B3GNT3: variants seen among roughly 807,000 people sequenced by gnomAD.
B3GNT3 encodes UDP-GlcNAc:betaGal beta-1,3-N-acetylglucosaminyltransferase 3.
Under a neutral mutation model 11.6 loss-of-function variants are expected in B3GNT3, and 7 were observed. That is an observed-to-expected ratio of 0.60 (90% CI 0.34 to 1.13). B3GNT3 has a LOEUF of 1.13. Ranked by LOEUF, B3GNT3 falls within the 50% of genes most tolerant of loss-of-function variation. The pLI, the probability that B3GNT3 is intolerant of heterozygous loss-of-function variation, is 0.03. For synonymous variants in B3GNT3, 201 were observed against 222.1 expected, an observed-to-expected ratio of 0.90 and a Z score of 0.85; for missense variants, 400 against 507.4, an observed-to-expected ratio of 0.79 and a Z score of 2.03.
chr19:17,807,265 G>C (rs2094174286), intron 1 of B3GNT3, among the ~76,000 whole-genome samples: 1 of 151,776 alleles, frequency 6.6e-6, no homozygotes, highest in South Asian at 2.1e-4. Flanking sequence ...CGAGGCAGGT[G>C]GATCACTTGA....
rs1437530405 is a variant in B3GNT3, at chr19:17,811,442, A to G, written c.568-129A>G. ...GGTTTCCCAAGTAACCCCACAGGGC[A>G]GGGCCTTAACCCAGGCTGGATTGTG... On this transcript the variant is annotated intron_variant, in intron 2 of 2. Coordinates refer to ENST00000318683, the MANE Select transcript of B3GNT3 (RefSeq NM_014256.4). This position sits in a 1 kb window ranked among gnomAD's most constrained non-coding sequence, Gnocchi z 4.1. The G allele has an allele frequency of 3.2e-6, 3 of 930,190 alleles. No homozygotes were observed. Among genetic ancestry groups the G allele is most frequent in the Middle Eastern group, 2.8e-4 (1 of 3,628 alleles). 57.6% of individuals were successfully genotyped at this position (930,190 alleles called of 1,614,324 possible).
At chr19:17,803,075 G>T (rs910457204) in intron 1 of B3GNT3, among the ~76,000 whole-genome samples, 2 of 151,270 alleles carry the variant, frequency 1.3e-5, no homozygotes, top group South Asian at 2.1e-4. Flanking sequence ...GCACGATCTC[G>T]GCTCACTGCA....
At chr19:17,797,708 C>T (rs1395453200) in intron 1 of B3GNT3, among the ~76,000 whole-genome samples, 2 of 152,102 alleles carry the variant, frequency 1.3e-5, no homozygotes, top group African/African-American at 4.8e-5. Flanking sequence ...TTTTTCCATA[C>T]CCAGGCACTC....
intron 1 of B3GNT3, among the ~76,000 whole-genome samples, chr19:17,804,850 C>T (rs62123692): frequency 0.21 from 32,089 of 151,680 alleles, 3,921 homozygotes; most frequent in Non-Finnish European, 0.27. Context: ...AGCCACTGCA[C>T]CCAGCCCTTC....
intron 1 of B3GNT3, among the ~76,000 whole-genome samples, chr19:17,800,192 C>A (rs1010165847): frequency 2.0e-5 from 3 of 151,864 alleles, no homozygotes; most frequent in Admixed American, 2.0e-4. Context: ...CTGGCCAACG[C>A]GCTGAAACCC....
intron 1 of B3GNT3, among the ~76,000 whole-genome samples, chr19:17,802,002 C>T (rs1399084970): frequency 2.0e-5 from 3 of 151,852 alleles, no homozygotes; most frequent in Admixed American, 6.6e-5. Flanking sequence ...GCAGGATAAT[C>T]GCTTGAACCT....
At chr19:17,806,070 T>A (rs1171934103) in intron 1 of B3GNT3, among the ~76,000 whole-genome samples, 1 of 152,034 alleles carries the variant, frequency 6.6e-6, no homozygotes, top group Non-Finnish European at 1.5e-5. Flanking sequence ...TGGGTTCAAG[T>A]GATTTTCCTG....
chr19:17,803,885 G>A (rs966606221), intron 1 of B3GNT3, among the ~76,000 whole-genome samples: 4 of 151,982 alleles, frequency 2.6e-5, no homozygotes, highest in Non-Finnish European at 5.9e-5. Flanking sequence ...TTAATTAGCT[G>A]GCAAGGTGGC....
rs2094180130 is a variant in B3GNT3 at position 17,811,096 on chromosome 19, AC to A, written c.568-473del. Among the ~76,000 whole-genome samples, 1 of 149,588 alleles carries A rather than the reference AC, an allele frequency of 6.7e-6. No homozygotes were observed. ...GTAAGTAGCGGCATGTGTCTGTAGT[AC>A]CAGCTACTTGGGAGGCTGAGGTGGA... On this transcript the variant is annotated intron_variant, in intron 2 of 2. Transcript: ENST00000318683. The surrounding 1 kb of genome is among the most constrained non-coding windows in gnomAD (Gnocchi z 4.1).
chr19:17,799,004 G>A (rs560656291), intron 1 of B3GNT3, among the ~76,000 whole-genome samples: 162 of 152,208 alleles, frequency 1.1e-3, no homozygotes, highest in African/African-American at 3.6e-3. Context: ...CATTGTTGGC[G>A]CTTCACATAT....
rs1313616514 is a variant in B3GNT3, at chr19:17,812,778, G to A, written c.*656G>A. On this transcript the variant is annotated 3_prime_UTR_variant, in exon 3 of 3. Coordinates refer to ENST00000318683, the MANE Select transcript of B3GNT3 (RefSeq NM_014256.4). ...AAGTTGTGAGAGCTCAGAGTTTCTGGGGTCCTCATTAGGAGCCCCCATCCC... is the reference window on the plus strand; with the variant it reads ...AAGTTGTGAGAGCTCAGAGTTTCTGAGGTCCTCATTAGGAGCCCCCATCCC... 1.3e-5 allele frequency: 2 copies of A among 152,394 alleles called. No homozygotes were observed. Among genetic ancestry groups the A allele is most frequent in the Non-Finnish European group, 2.9e-5 (2 of 68,226 alleles). The allele number at this position is 152,394 out of a possible 1,614,324, so 9.4% of individuals were successfully genotyped here. A position where few individuals can be genotyped will look rare whatever the true frequency, so the allele number is the denominator to read the frequency against.
chr19:17,807,714 C>T lies in B3GNT3; in HGVS notation c.-50-44C>T, dbSNP rs541100150. ...CAGATGTTGGGGGCCACAGGAAAAG[C>T]GCTTTGCTCATGGCGAGTGTTCAGT... On this transcript the variant is annotated intron_variant, in intron 1 of 2. Coordinates refer to ENST00000318683, the MANE Select transcript of B3GNT3 (RefSeq NM_014256.4). The T allele has an allele frequency of 1.8e-5, 23 of 1,243,476 alleles. No individual in the cohort carries two copies. The East Asian group carries it at 2.7e-4, about 15-fold the overall frequency. 77.0% of individuals were successfully genotyped at this position (1,243,476 alleles called of 1,614,324 possible). A position where few individuals can be genotyped will look rare whatever the true frequency, so the allele number is the denominator to read the frequency against.
chr19:17,803,466 G>A (rs563438121), intron 1 of B3GNT3, among the ~76,000 whole-genome samples: 2 of 152,308 alleles, frequency 1.3e-5, no homozygotes, highest in South Asian at 4.1e-4. Flanking sequence ...ATTTGAGGAA[G>A]TGGGTTCTGG....
intron 2 of B3GNT3, among the ~76,000 whole-genome samples, chr19:17,809,600 C>T (rs775208328): frequency 3.4e-4 from 52 of 151,814 alleles, no homozygotes; most frequent in Admixed American, 4.6e-4. Flanking sequence ...GTGCATGCCA[C>T]TATGCCCAGC....
chr19:17,803,169 CT>C (rs1673399400), intron 1 of B3GNT3, among the ~76,000 whole-genome samples: 1 of 152,098 alleles, frequency 6.6e-6, no homozygotes, highest in Admixed American at 6.6e-5. Flanking sequence ...CCACACCTGG[CT>C]AATTTTTGTA....
rs1818095061 is a variant in B3GNT3 at position 17,813,125 on chromosome 19, C to G, written c.*1003C>G. On this transcript the variant is annotated 3_prime_UTR_variant, in exon 3 of 3. Coordinates refer to ENST00000318683, the MANE Select transcript of B3GNT3 (RefSeq NM_014256.4). ...AAGCAAATTTACAAGTTTCAACAGA[C>G]AAGTCCACATTCATCCCTAAAAGTC... 1 of 151,384 alleles carries G rather than the reference C, an allele frequency of 6.6e-6. No individual in the cohort carries two copies. The highest frequency in any genetic ancestry group is 6.6e-5 in the Admixed American group (1 of 15,162). 9.4% of individuals were successfully genotyped at this position (151,384 alleles called of 1,614,324 possible).
intron 2 of B3GNT3, among the ~76,000 whole-genome samples, chr19:17,810,428 C>A (rs2094179151): frequency 6.6e-6 from 1 of 151,696 alleles, no homozygotes. Flanking sequence ...AAACAAAAAA[C>A]CCTTTAAAAG....
At position 17,808,175 on chromosome 19, in the gene B3GNT3, G is replaced by C. The variant is rs752385665; in HGVS notation, c.368G>C (p.Arg123Pro). Residue 123 changes from arginine to proline, a missense_variant, in exon 2 of 3, where the codon CGC becomes CCC. Physicochemically the swap from Arg to Pro is moderately radical, Grantham distance 103. Coordinates refer to ENST00000318683, the MANE Select transcript of B3GNT3 (RefSeq NM_014256.4). The stretch of plus-strand genomic sequence containing the variant: ...TCCTCCCCTAGCAACTATGTGCGCC[G>C]CGAGCTGCTGCGGCGCACGTGGGGC... ...IKSSPSNYVR[R>P]ELLRRTWGRE... 1 of 1,610,438 alleles carries C rather than the reference G, an allele frequency of 6.2e-7. No homozygotes were observed. Among genetic ancestry groups the C allele is most frequent in the African/African-American group, 1.3e-5 (1 of 74,784 alleles).
chr19:17,809,599 A>G (rs2094178038), intron 2 of B3GNT3, among the ~76,000 whole-genome samples: 1 of 151,716 alleles, frequency 6.6e-6, no homozygotes. Context: ...GGTGCATGCC[A>G]CTATGCCCAG....
Sources: gnomAD v4.1 joint callset for allele counts (sites outside exome capture counted in the v4.1 genomes callset) on GRCh38, gnomAD v4.1.1 for gene constraint, Gnocchi (gnomAD v3.1) non-coding constraint, MANE v1.5 for transcripts, NCBI Gene and HGNC (gene_info 2026-07-23, HGNC 2026-07-21) for gene names.